Variants in EYA1 observed in about 807,000 individuals in gnomAD.
EYA1 encodes the protein protein phosphatase EYA1.
EYA1 carries 16 observed loss-of-function variants against 82.0 expected under a neutral mutation model. The observed-to-expected ratio is 0.20, with a 90% CI of 0.13 to 0.30. The LOEUF is 0.30. EYA1 is among the 10% of genes least tolerant of loss of function. The probability of loss-of-function intolerance (pLI) is 1.00; values close to 1 mark genes in which losing one functional copy is unlikely to be tolerated. For synonymous variants in EYA1, 261 were observed against 264.4 expected, an observed-to-expected ratio of 0.99 and a Z score of 0.12; for missense variants, 633 against 730.7, an observed-to-expected ratio of 0.87 and a Z score of 1.54.
chr8:71,312,091 C>A (rs1334437523), intron 7 of EYA1, among the ~76,000 whole-genome samples: 2 of 152,154 alleles, frequency 1.3e-5, no homozygotes, highest in East Asian at 3.8e-4. Context: ...GTGCAAGTGT[C>A]AAAGCACTGA....
At chr8:71,413,678 T>A (rs1419596593) in intron 2 of EYA1, among the ~76,000 whole-genome samples, 1 of 152,244 alleles carries the variant, frequency 6.6e-6, no homozygotes, top group East Asian at 1.9e-4. Flanking sequence ...CCCAATTGTG[T>A]TCAAAAGTAA....
At chr8:71,397,822 T>C (rs910263464) in intron 2 of EYA1, among the ~76,000 whole-genome samples, 1 of 152,170 alleles carries the variant, frequency 6.6e-6, no homozygotes, top group African/African-American at 2.4e-5. Context: ...TTTCCTGAAT[T>C]TGAATGTTGG....
intron 2 of EYA1, among the ~76,000 whole-genome samples, chr8:71,397,975 G>T (rs1421765737): frequency 6.6e-6 from 1 of 152,130 alleles, no homozygotes; most frequent in Non-Finnish European, 1.5e-5. Flanking sequence ...TTTCTTGGAG[G>T]CTTTGTTCAT....
intron 2 of EYA1, among the ~76,000 whole-genome samples, chr8:71,445,249 C>A (rs2129174095): frequency 6.6e-6 from 1 of 152,290 alleles, no homozygotes; most frequent in South Asian, 2.1e-4. Context: ...TCTTTTACTA[C>A]TATTACTATA....
chr8:71,356,624 G>A, intron 1 of EYA1, 113 bp from the exon 2 acceptor site: 3 of 1,407,650 alleles, frequency 2.1e-6, no homozygotes, highest in Non-Finnish European at 9.3e-7. Flanking sequence ...AACCAAAAGA[G>A]AAAAAGGAGG....
At chr8:71,301,694 C>A (rs1049753892) in intron 7 of EYA1, among the ~76,000 whole-genome samples, 52 of 152,240 alleles carry the variant, frequency 3.4e-4, no homozygotes, top group African/African-American at 1.1e-3. Flanking sequence ...TCCCAGAACA[C>A]CTATCTCAGA....
intron 7 of EYA1, among the ~76,000 whole-genome samples, chr8:71,300,394 T>G (rs1820075088): frequency 6.6e-6 from 1 of 152,200 alleles, no homozygotes; most frequent in Non-Finnish European, 1.5e-5. Flanking sequence ...TTTCACATGA[T>G]TTACTATTTT....
chr8:71,326,340 C>T (rs961283311), intron 4 of EYA1, among the ~76,000 whole-genome samples: 1 of 152,076 alleles, frequency 6.6e-6, no homozygotes, highest in Admixed American at 6.6e-5. Flanking sequence ...TCCCTCAAAC[C>T]CCACCTACCC....
intron 16 of EYA1, among the ~76,000 whole-genome samples, chr8:71,215,168 C>T (rs1290756515): frequency 2.6e-5 from 4 of 152,144 alleles, no homozygotes; most frequent in Admixed American, 6.5e-5. Context: ...CTGGTCTTAA[C>T]GTTAGCCAGT....
intron 2 of EYA1, among the ~76,000 whole-genome samples, chr8:71,480,282 C>T (rs770122252): frequency 7.2e-5 from 11 of 152,064 alleles, no homozygotes; most frequent in Non-Finnish European, 1.6e-4. Flanking sequence ...ATGTTCATTT[C>T]GAAATGTGTG....
intron 3 of EYA1, among the ~76,000 whole-genome samples, chr8:71,343,465 A>G (rs1220440818): frequency 6.6e-6 from 1 of 152,156 alleles, no homozygotes; most frequent in African/African-American, 2.4e-5. Flanking sequence ...GGGTTCATGG[A>G]TTAATGGTTT....
intron 9 of EYA1, among the ~76,000 whole-genome samples, chr8:71,288,423 G>A (rs1053551320): frequency 3.9e-5 from 6 of 152,176 alleles, no homozygotes; most frequent in African/African-American, 1.4e-4. Flanking sequence ...ACACTCTAGT[G>A]TCCCATTCAG....
intron 9 of EYA1, among the ~76,000 whole-genome samples, chr8:71,297,031 C>T (rs190231077): frequency 1.3e-3 from 205 of 152,128 alleles, no homozygotes; most frequent in African/African-American, 4.7e-3. Context: ...CAGACATACT[C>T]GCTTTAGTTG....
chr8:71,314,559 G>A (rs981284454), intron 7 of EYA1, among the ~76,000 whole-genome samples: 3 of 151,930 alleles, frequency 2.0e-5, no homozygotes, highest in African/African-American at 7.3e-5. Context: ...TTATATACTG[G>A]TTGAGCATTC....
chr8:71,422,704 A>T (rs1341476944), intron 2 of EYA1, among the ~76,000 whole-genome samples: 1 of 152,182 alleles, frequency 6.6e-6, no homozygotes, highest in Admixed American at 6.5e-5. Context: ...ATCCTTCTTC[A>T]CATGATGGCA....
chr8:71,469,178 C>T (rs1376227142), intron 2 of EYA1, among the ~76,000 whole-genome samples: 1 of 149,166 alleles, frequency 6.7e-6, no homozygotes, highest in Non-Finnish European at 1.5e-5. Context: ...AAAAAAAAAT[C>T]TGTCCTCAAG....
intron 2 of EYA1, among the ~76,000 whole-genome samples, chr8:71,474,198 TA>T (rs199862429): frequency 0.028 from 2,867 of 104,078 alleles, 32 homozygotes; most frequent in Middle Eastern, 0.077. Context: ...AAAGTAAAAT[TA>T]AAAAAAAAAA....
At chr8:71,417,376 C>T (rs1830911261) in intron 2 of EYA1, among the ~76,000 whole-genome samples, 1 of 152,104 alleles carries the variant, frequency 6.6e-6, no homozygotes, top group Non-Finnish European at 1.5e-5. Context: ...GTAGATATTT[C>T]TGATTGTATG....
chr8:71,481,406 C>A (rs1385663140), intron 2 of EYA1, among the ~76,000 whole-genome samples: 1 of 152,178 alleles, frequency 6.6e-6, no homozygotes, highest in East Asian at 1.9e-4. Context: ...ATCTTCCACA[C>A]TGAACTGAGA....
Sources: gnomAD v4.1 joint callset for allele counts (sites outside exome capture counted in the v4.1 genomes callset) on GRCh38, gnomAD v4.1.1 for gene constraint, MANE v1.5 for transcripts, NCBI Gene and HGNC (gene_info 2026-07-23, HGNC 2026-07-21) for gene names.